LMBR1L: variants seen among roughly 807,000 people sequenced by gnomAD.
LMBR1L encodes the protein protein LMBR1L.
LMBR1L carries 47 observed loss-of-function variants against 67.3 expected under a neutral mutation model. The ratio of observed to expected loss-of-function variants is 0.70; its 90% confidence interval spans 0.55 to 0.89. LMBR1L has a LOEUF of 0.89. Among genes scored for constraint, LMBR1L ranks in the 40% least tolerant of loss-of-function variants. The pLI, the probability that LMBR1L is intolerant of heterozygous loss-of-function variation, is 0.00. For synonymous variants in LMBR1L, 247 were observed against 250.3 expected, an observed-to-expected ratio of 0.99 and a Z score of 0.13; for missense variants, 533 against 599.2, an observed-to-expected ratio of 0.89 and a Z score of 1.15.
At chr12:49,103,261 G>A (rs1242893204) in intron 6 of LMBR1L, 102 bp from the exon 7 acceptor site, 1 of 946,748 alleles carries the variant, frequency 1.1e-6, no homozygotes, top group Non-Finnish European at 1.6e-6. Context: ...CCCCACAGGG[G>A]TTAGGCAATT....
At chr12:49,107,117 G>T in intron 1 of LMBR1L, 72 bp from the exon 2 acceptor site, 2 of 974,546 alleles carry the variant, frequency 2.1e-6, no homozygotes, top group South Asian at 2.7e-5. Flanking sequence ...GGGCCTCTCT[G>T]TTAATTCCAG....
rs576072066 is a variant in LMBR1L, at chr12:49,100,854, C to T, written c.1083-208G>A. 195 of 583,724 alleles carry T rather than the reference C, an allele frequency of 3.3e-4. 1 individual carries two copies. The highest frequency in any genetic ancestry group is 2.3e-3 in the African/African-American group (125 of 53,392). The allele number at this position is 583,724 out of a possible 1,614,324, so 36.2% of individuals were successfully genotyped here. A position where few individuals can be genotyped will look rare whatever the true frequency, so the allele number is the denominator to read the frequency against. On this transcript the variant is annotated intron_variant, in intron 13 of 16. Coordinates refer to ENST00000267102, the MANE Select transcript of LMBR1L (RefSeq NM_018113.4). The stretch of plus-strand genomic sequence containing the variant: ...GCGATCTTCCCACGTCAGCCTCCCA[C>T]GTAGCTGGGAATGCAAGCACGCACC...
Position 49,102,115 on chromosome 12 carries a change from C to G in LMBR1L, c.930+5G>C, listed in dbSNP as rs184043629. The G allele has an allele frequency of 1.1e-5, 17 of 1,613,622 alleles. No homozygotes were observed. The highest frequency in any genetic ancestry group is 1.3e-5 in the Non-Finnish European group (15 of 1,179,666). ...ACTCCTCACCTCTAGGGCTGGTATA[C>G]CTACCGTCAGCACCAGCAAGCACAG... On this transcript the variant is annotated splice_donor_5th_base_variant and intron_variant, in intron 11 of 16. Coordinates refer to ENST00000267102, the MANE Select transcript of LMBR1L (RefSeq NM_018113.4).
In LMBR1L at chr12:49,103,699, C is replaced by G; in HGVS notation, c.550G>C (p.Glu184Gln). The change falls in exon 6 of 17, where the codon GAG (glutamate) becomes CAG (glutamine). Residue 184 changes from glutamate (E) to glutamine (Q), a missense_variant. Glu to Gln is a conservative substitution (Grantham distance 29). This residue lies in a region of LMBR1L where 246 missense variants were observed against 249.0 expected (regional missense o/e 0.99). Coordinates refer to ENST00000267102, the MANE Select transcript of LMBR1L (RefSeq NM_018113.4). ...CTGGGCCGCTCACCATAGAGTGACT[C>G]TCTGTTGGCCTTGTTCTTGTCCACA... ...AIVDKNKANR[E>Q]SLYDFWEYYL... 2 of 1,613,658 alleles carry G rather than the reference C, an allele frequency of 1.2e-6. No individual in the cohort carries two copies. Among genetic ancestry groups the G allele is most frequent in the Non-Finnish European group, 1.7e-6 (2 of 1,179,786 alleles).
At chr12:49,110,094 T>A (rs1381425340) in intron 1 of LMBR1L, 3 of 476,486 alleles carry the variant, frequency 6.3e-6, no homozygotes, top group Admixed American at 4.6e-5. Context: ...CTCCCCTTCA[T>A]CCAACGTCAG....
chr12:49,098,690 C>T (rs1355085180), intron 15 of LMBR1L, among the ~76,000 whole-genome samples: 1 of 152,208 alleles, frequency 6.6e-6, no homozygotes, highest in African/African-American at 2.4e-5. Context: ...TACCTGCATC[C>T]ACCCTAAAGG....
intron 3 of LMBR1L, 99 bp downstream of exon 3, chr12:49,105,825 A>G: frequency 1.0e-6 from 1 of 953,752 alleles, no homozygotes; most frequent in Non-Finnish European, 1.6e-6. Flanking sequence ...CTCTCTCTTC[A>G]CTGTGTGAGA....
At chr12:49,101,446 G>A (rs1024027232) in intron 12 of LMBR1L, 26 bp downstream of exon 12, 1 of 1,611,252 alleles carries the variant, frequency 6.2e-7, no homozygotes, top group Non-Finnish European at 8.5e-7. Flanking sequence ...CTCCCCAAAG[G>A]ATATGGTGGG....
In LMBR1L at chr12:49,104,759, G is replaced by A. The variant is rs1313705082; in HGVS notation, c.318C>T (p.Gly106=). Reference sequence around the variant, plus strand: ...GGAGCCACACACCATGGATGAGGGAGCCGTTGAGCCACTGGATGTAGTAGT... The same window carrying A: ...GGAGCCACACACCATGGATGAGGGAACCGTTGAGCCACTGGATGTAGTAGT... ...PRNYYIQWLN[G]SLIHGLWNLV... The change falls in exon 4 of 17, where the codon GGC becomes GGT. Residue 106 remains glycine (G), a synonymous_variant. Coordinates refer to ENST00000267102, the MANE Select transcript of LMBR1L (RefSeq NM_018113.4). 6.2e-7 allele frequency: 1 copy of A among 1,613,348 alleles called. No individual in the cohort carries two copies. Among genetic ancestry groups the A allele is most frequent in the Admixed American group, 1.7e-5 (1 of 59,882 alleles).
intron 7 of LMBR1L, 53 bp from the exon 8 acceptor site, chr12:49,103,004 T>A (rs1940407895): frequency 6.2e-7 from 1 of 1,606,732 alleles, no homozygotes; most frequent in African/African-American, 1.3e-5. Flanking sequence ...ACCCCTTCCC[T>A]AACATGCCCC....
rs1190785903 is a variant in LMBR1L at position 49,102,333 on chromosome 12, G to C, written c.813C>G (p.His271Gln). ...CWLPLDMELL[H>Q]RQVLALQTQR... ...GTGTCTGCAGAGCCAGGACCTGTCT[G>C]TGTAGCAGCTCCATGTCTAAAGGCA... The change falls in exon 10 of 17, where the codon CAC (histidine) becomes CAG (glutamine). Residue 271 changes from histidine (H) to glutamine (Q), a missense_variant. By Grantham distance (24) the His-to-Gln change is conservative. This residue lies in a region of LMBR1L where 64 missense variants were observed against 109.0 expected (regional missense o/e 0.59). Coordinates refer to ENST00000267102, the MANE Select transcript of LMBR1L (RefSeq NM_018113.4). 1 of 1,614,238 alleles carries C rather than the reference G, an allele frequency of 6.2e-7. No individual in the cohort carries two copies. Among genetic ancestry groups the C allele is most frequent in the African/African-American group, 1.3e-5 (1 of 75,058 alleles).
In LMBR1L at chr12:49,104,829, G is replaced by A; in HGVS notation, c.248C>T (p.Pro83Leu). 6.2e-7 allele frequency: 1 copy of A among 1,613,844 alleles called. No homozygotes were observed. Residue 83 changes from proline to leucine, a missense_variant, in exon 4 of 17, where the codon CCC (proline) becomes CTC (leucine). By Grantham distance (98) the Pro-to-Leu change is moderately conservative. This residue lies in a region of LMBR1L where 246 missense variants were observed against 249.0 expected (regional missense o/e 0.99). Transcript: ENST00000267102. ...CACCTCATTGCTGATGATGGAGAAGGGCAGGAGCAGGACAGCACCCAGGGC... is the reference window on the plus strand; with the variant it reads ...CACCTCATTGCTGATGATGGAGAAGAGCAGGAGCAGGACAGCACCCAGGGC... Reference protein sequence around the residue: ...AIALGAVLLLPFSIISNEVLL... With the variant: ...AIALGAVLLLLFSIISNEVLL...
chr12:49,108,087 A>AC (rs1254199145), intron 1 of LMBR1L, among the ~76,000 whole-genome samples: 1 of 152,058 alleles, frequency 6.6e-6, no homozygotes, highest in Non-Finnish European at 1.5e-5. Context: ...ACATGGTGGA[A>AC]CCCCATCTCT....
chr12:49,109,716 G>C (rs1379739420), intron 1 of LMBR1L: 1 of 456,506 alleles, frequency 2.2e-6, no homozygotes, highest in South Asian at 1.5e-5. Context: ...AGCTCCACTG[G>C]GTACCCCTAC....
intron 13 of LMBR1L, chr12:49,100,902 T>C (rs1324063608): frequency 2.4e-5 from 13 of 550,476 alleles, no homozygotes; most frequent in Non-Finnish European, 3.8e-5. Flanking sequence ...TAATTTTTTG[T>C]ACTTTTTGTA....
At chr12:49,105,516 G>A (rs1289131285) in intron 3 of LMBR1L, among the ~76,000 whole-genome samples, 1 of 152,184 alleles carries the variant, frequency 6.6e-6, no homozygotes, top group Non-Finnish European at 1.5e-5. Context: ...AACACTGGCA[G>A]CCTGGAATAT....
At position 49,102,940 on chromosome 12, in the gene LMBR1L, G is replaced by T; in HGVS notation, c.643C>A (p.Leu215Met). ...GVLLLLVCTP[L>M]GLARMFSVTG... is the part of the protein sequence containing the mutation. ...ACGGAGAACATGCGGGCGAGACCCAGTGGAGTACACACTGTAGGGACAAGA... is the reference window on the plus strand; with the variant it reads ...ACGGAGAACATGCGGGCGAGACCCATTGGAGTACACACTGTAGGGACAAGA... The change falls in exon 8 of 17, where the codon CTG (leucine) becomes ATG (methionine). Residue 215 changes from leucine (L) to methionine (M), a missense_variant. Physicochemically the swap from Leu to Met is conservative, Grantham distance 15. Coordinates refer to ENST00000267102, the MANE Select transcript of LMBR1L (RefSeq NM_018113.4). 6.2e-7 allele frequency: 1 copy of T among 1,614,124 alleles called. No homozygotes were observed. Among genetic ancestry groups the T allele is most frequent in the East Asian group, 2.2e-5 (1 of 44,888 alleles).
rs569351926 is a variant in LMBR1L at position 49,105,426 on chromosome 12, T to C, written c.191+498A>G. 3.9e-5 allele frequency among the ~76,000 whole-genome samples: 6 copies of C among 152,284 alleles called. No individual in the cohort carries two copies. In the South Asian group the frequency reaches 1.2e-3, roughly 32 times the overall value. The stretch of plus-strand genomic sequence containing the variant: ...AAGATGGGCACTTCTAGCTCTTTGG[T>C]CCATCAAGGGTGGAGGGCTGCCTTC... On this transcript the variant is annotated intron_variant, in intron 3 of 16. Coordinates refer to ENST00000267102, the MANE Select transcript of LMBR1L (RefSeq NM_018113.4).
chr12:49,106,041 G>T, intron 2 of LMBR1L, 84 bp from the exon 3 acceptor site: 1 of 1,157,858 alleles, frequency 8.6e-7, no homozygotes, highest in Non-Finnish European at 1.3e-6. Context: ...TGTGCTCCCT[G>T]CCCCATCCCT....
Sources: gnomAD v4.1 joint callset for allele counts (sites outside exome capture counted in the v4.1 genomes callset) on GRCh38, gnomAD v4.1.1 for gene constraint, gnomAD v4.1.1 regional missense constraint, MANE v1.5 for transcripts, NCBI Gene and HGNC (gene_info 2026-07-23, HGNC 2026-07-21) for gene names.